SERPINB12: variants seen among roughly 807,000 people sequenced by gnomAD.
SERPINB12 encodes the protein serpin family B member 12.
Under a neutral mutation model 41.1 loss-of-function variants are expected in SERPINB12, and 57 were observed. That is an observed-to-expected ratio of 1.39 (90% CI 1.12 to 1.73). The LOEUF (loss-of-function observed/expected upper bound fraction) is 1.73, where lower values mean the gene tolerates loss of function less well. Ranked by LOEUF, SERPINB12 falls within the 40% of genes most tolerant of loss-of-function variation. SERPINB12 has a pLI of 0.00. For missense variants in SERPINB12, 536 were observed against 501.9 expected (o/e 1.07, Z -0.65); for synonymous variants, 180 against 181.3 (o/e 0.99, Z 0.06).
At chr18:63,523,153 C>G in the SERPINB12 span, among the ~76,000 whole-genome samples, 1 of 152,038 alleles carries the variant, frequency 6.6e-6, no homozygotes, top group Admixed American at 6.6e-5. Context: ...CCAAAAATGT[C>G]AAAAGGTTCA....
At chr18:63,531,359 G>T in the SERPINB12 span, among the ~76,000 whole-genome samples, 1 of 152,220 alleles carries the variant, frequency 6.6e-6, no homozygotes, top group Admixed American at 6.5e-5. Context: ...GGCCACGTCT[G>T]TGTTTCTCAA....
intron 3 of SERPINB12, among the ~76,000 whole-genome samples, chr18:63,558,781 C>T (rs905086521): frequency 2.6e-5 from 4 of 152,120 alleles, no homozygotes; most frequent in African/African-American, 9.7e-5. Flanking sequence ...AGAGTATGGT[C>T]AAAGATAAAG....
At chr18:63,530,868 C>T in the SERPINB12 span, among the ~76,000 whole-genome samples, 7 of 152,086 alleles carry the variant, frequency 4.6e-5, no homozygotes, top group Admixed American at 1.3e-4. Context: ...CCAAGGCGGC[C>T]GACTTTGAAC....
intron 2 of SERPINB12, 43 bp from the exon 3 acceptor site, chr18:63,558,309 T>A: frequency 1.3e-6 from 2 of 1,578,494 alleles, no homozygotes; most frequent in Non-Finnish European, 1.7e-6. Context: ...CAGGCTTCCC[T>A]CTGTTCATAT....
the SERPINB12 span, among the ~76,000 whole-genome samples, chr18:63,523,672 T>C: frequency 6.6e-6 from 1 of 152,124 alleles, no homozygotes; most frequent in South Asian, 2.1e-4. Flanking sequence ...GAGTACAGAA[T>C]CAAGTTATAC....
chr18:63,557,641 T>C (rs571971324), intron 2 of SERPINB12, among the ~76,000 whole-genome samples: 1 of 152,330 alleles, frequency 6.6e-6, no homozygotes, highest in African/African-American at 2.4e-5. Context: ...TAGAGTGTGG[T>C]TTGCATCTTG....
intron 1 of SERPINB12, among the ~76,000 whole-genome samples, chr18:63,551,094 C>A (rs933843450): frequency 1.3e-5 from 2 of 151,782 alleles, no homozygotes; most frequent in African/African-American, 4.8e-5. Context: ...ACGGTGAAAC[C>A]CTGTCTCTAC....
the SERPINB12 span, among the ~76,000 whole-genome samples, chr18:63,536,584 T>A: frequency 6.6e-6 from 1 of 152,134 alleles, no homozygotes; most frequent in Non-Finnish European, 1.5e-5. Flanking sequence ...TTTTCTATTC[T>A]CATGAAAGAA....
intron 3 of SERPINB12, among the ~76,000 whole-genome samples, 196 bp downstream of exon 3, chr18:63,558,682 T>C (rs1013657394): frequency 6.6e-6 from 1 of 152,142 alleles, no homozygotes; most frequent in Non-Finnish European, 1.5e-5. Context: ...TCCTAAAGAG[T>C]AGGATCTGGT....
At chr18:63,547,608 A>C (rs533678117) in intron 1 of SERPINB12, among the ~76,000 whole-genome samples, 23 of 152,248 alleles carry the variant, frequency 1.5e-4, no homozygotes, top group African/African-American at 5.5e-4. Context: ...CCTACTATAT[A>C]TAGGAAAAAA....
the SERPINB12 span, among the ~76,000 whole-genome samples, chr18:63,533,151 T>C: frequency 2.0e-5 from 3 of 152,280 alleles, no homozygotes; most frequent in East Asian, 3.9e-4. Flanking sequence ...CTAATTCTTG[T>C]ATTTTTAGTA....
At chr18:63,549,264 C>A (rs1216504342) in intron 1 of SERPINB12, among the ~76,000 whole-genome samples, 1 of 152,052 alleles carries the variant, frequency 6.6e-6, no homozygotes, top group Non-Finnish European at 1.5e-5. Flanking sequence ...ATTGTGAGGG[C>A]AAAATTCCTC....
upstream of SERPINB12, among the ~76,000 whole-genome samples, chr18:63,541,000 T>G (rs1910260301): frequency 6.6e-6 from 1 of 152,184 alleles, no homozygotes; most frequent in Non-Finnish European, 1.5e-5. Context: ...TTACTTTTCT[T>G]TACGTTTTCA....
chr18:63,534,140 G>T, the SERPINB12 span, among the ~76,000 whole-genome samples: 9 of 152,166 alleles, frequency 5.9e-5, no homozygotes, highest in South Asian at 1.9e-3. Context: ...CAACTCACAG[G>T]CCTTGTTGAA....
At chr18:63,529,835 GT>G in the SERPINB12 span, among the ~76,000 whole-genome samples, 1 of 152,040 alleles carries the variant, frequency 6.6e-6, no homozygotes, top group Non-Finnish European at 1.5e-5. Flanking sequence ...ACAAGACTAG[GT>G]TCCTTTTATC....
chr18:63,529,453 G>A, the SERPINB12 span, among the ~76,000 whole-genome samples: 7 of 152,128 alleles, frequency 4.6e-5, no homozygotes, highest in African/African-American at 1.7e-4. Context: ...CTATCTTCAT[G>A]GCTTTCCCAG....
At chr18:63,550,301 A>G (rs1170472880) in intron 1 of SERPINB12, among the ~76,000 whole-genome samples, 1 of 152,138 alleles carries the variant, frequency 6.6e-6, no homozygotes, top group Non-Finnish European at 1.5e-5. Flanking sequence ...TGTGGTGGAT[A>G]TTTTCCAGAG....
chr18:63,531,355 G>A, the SERPINB12 span, among the ~76,000 whole-genome samples: 1 of 152,190 alleles, frequency 6.6e-6, no homozygotes, highest in Non-Finnish European at 1.5e-5. Context: ...CCTGGGCCAC[G>A]TCTGTGTTTC....
chr18:63,528,338 G>A, the SERPINB12 span, among the ~76,000 whole-genome samples: 5 of 151,804 alleles, frequency 3.3e-5, no homozygotes, highest in Non-Finnish European at 5.9e-5. Context: ...GTCACAGAAA[G>A]GTTGGCATGC....
Sources: gnomAD v4.1 joint callset for allele counts (sites outside exome capture counted in the v4.1 genomes callset) on GRCh38, gnomAD v4.1.1 for gene constraint, MANE v1.5 for transcripts, NCBI Gene and HGNC (gene_info 2026-07-23, HGNC 2026-07-21) for gene names.